Variants in XPO1 observed in about 807,000 individuals in gnomAD.
XPO1 encodes exportin-1.
In XPO1, 5 loss-of-function variants were observed where a neutral mutation model predicts 133.3. The observed-to-expected ratio is 0.04, with a 90% confidence interval of 0.02 to 0.08. The LOEUF (loss-of-function observed/expected upper bound fraction) is 0.08. XPO1 is among the 10% of genes least tolerant of loss of function. XPO1 has a pLI of 1.00. For missense variants in XPO1, 506 were observed against 1,267.5 expected (o/e 0.40, Z 9.12); for synonymous variants, 419 against 408.2 (o/e 1.03, Z -0.32).
chr2:61,534,009 G>C (rs1029434265), intron 1 of XPO1, 106 bp from the exon 2 acceptor site: 5 of 1,123,936 alleles, frequency 4.4e-6, no homozygotes, highest in African/African-American at 3.2e-5. Flanking sequence ...ATATTTTAAT[G>C]AATACTTTAG....
intron 2 of XPO1, among the ~76,000 whole-genome samples, chr2:61,528,744 TATATATATATATATATATATATATA>T (rs1699025332): frequency 7.5e-5 from 1 of 13,404 alleles, no homozygotes; most frequent in Non-Finnish European, 1.3e-4. Flanking sequence ...TATATATATA[TATATATATATATATATATATATATA>T]TATATATATA....
intron 2 of XPO1, among the ~76,000 whole-genome samples, chr2:61,527,901 C>G (rs555823445): frequency 6.6e-6 from 1 of 151,562 alleles, no homozygotes; most frequent in South Asian, 2.1e-4. Context: ...TTCCCTAGTG[C>G]CATTTCCTTC....
chr2:61,527,321 C>CA (rs35556629), intron 2 of XPO1, among the ~76,000 whole-genome samples: 43,602 of 91,470 alleles, frequency 0.48, 9,641 homozygotes, highest in East Asian at 0.62. Context: ...CATGACTCTC[C>CA]AAAAAAAAAA....
chr2:61,531,443 A>G (rs190594144), intron 2 of XPO1, among the ~76,000 whole-genome samples: 3 of 152,338 alleles, frequency 2.0e-5, no homozygotes, highest in Admixed American at 6.5e-5. Flanking sequence ...TCTTAATACT[A>G]TGAAACATTA....
intron 4 of XPO1, among the ~76,000 whole-genome samples, chr2:61,506,990 G>A (rs1028749394): frequency 1.3e-5 from 2 of 151,744 alleles, no homozygotes; most frequent in Non-Finnish European, 2.9e-5. Flanking sequence ...AGCACTTTGG[G>A]AGGCCGAGAC....
chr2:61,495,630 G>C lies in XPO1; in HGVS notation c.889-17C>G, dbSNP rs769889670. 5.2e-6 allele frequency: 8 copies of C among 1,539,002 alleles called. 1 individual carries two copies. The highest frequency in any genetic ancestry group is 5.3e-6 in the Non-Finnish European group (6 of 1,140,620). On this transcript the variant is annotated splice_polypyrimidine_tract_variant and intron_variant, in intron 10 of 24. Coordinates refer to ENST00000401558, the MANE Select transcript of XPO1 (RefSeq NM_003400.4). ...AGGAAGCATCTGCAAATTTTAAAAG[G>C]GACGATCAGTTCGCATTTTATAAAA... is the stretch of plus-strand genomic sequence containing the variant.
At chr2:61,506,092 A>G (rs1697798047) in intron 4 of XPO1, among the ~76,000 whole-genome samples, 1 of 152,004 alleles carries the variant, frequency 6.6e-6, no homozygotes, top group Non-Finnish European at 1.5e-5. Flanking sequence ...AGGCTTGCCA[A>G]ATAAATAAAT....
chr2:61,523,533 A>G (rs1190223530), intron 3 of XPO1, among the ~76,000 whole-genome samples: 1 of 152,214 alleles, frequency 6.6e-6, no homozygotes, highest in Non-Finnish European at 1.5e-5. Context: ...AGGCAGGAGG[A>G]AGAAAAGGGA....
At chr2:61,524,093 A>T (rs1305480233) in intron 3 of XPO1, among the ~76,000 whole-genome samples, 1 of 152,170 alleles carries the variant, frequency 6.6e-6, no homozygotes, top group Non-Finnish European at 1.5e-5. Context: ...TGAAGTTCTT[A>T]ATTAGCTTTT....
chr2:61,502,068 A>C (rs758209412), intron 5 of XPO1, 28 bp from the exon 6 acceptor site: 1 of 1,579,768 alleles, frequency 6.3e-7, no homozygotes, highest in Admixed American at 1.8e-5. Context: ...ATTAAATGAG[A>C]GCCTGAGGTA....
At chr2:61,519,903 G>T (rs1460712111) in intron 4 of XPO1, among the ~76,000 whole-genome samples, 1 of 151,986 alleles carries the variant, frequency 6.6e-6, no homozygotes, top group East Asian at 1.9e-4. Flanking sequence ...TAGCTAAAGG[G>T]CCGGACTTAG....
intron 3 of XPO1, among the ~76,000 whole-genome samples, chr2:61,524,612 A>C (rs1698836920): frequency 6.6e-6 from 1 of 152,250 alleles, no homozygotes; most frequent in Admixed American, 6.5e-5. Flanking sequence ...AAACAAAAAA[A>C]ATTTACATTC....
intron 4 of XPO1, among the ~76,000 whole-genome samples, chr2:61,506,365 G>A (rs1697813831): frequency 6.6e-6 from 1 of 152,208 alleles, no homozygotes; most frequent in Admixed American, 6.5e-5. Flanking sequence ...GGACAATGCA[G>A]TGAGCTGAGA....
At chr2:61,483,832 C>T in intron 21 of XPO1, 105 bp downstream of exon 21, 1 of 1,294,302 alleles carries the variant, frequency 7.7e-7, no homozygotes, top group Non-Finnish European at 1.1e-6. Flanking sequence ...ATATGTAATT[C>T]ACACACTCAA....
chr2:61,494,032 A>G lies in XPO1; in HGVS notation c.1107T>C (p.Cys369=), dbSNP rs1373800440. The change falls in exon 12 of 25, where the codon TGT becomes TGC. Residue 369 remains cysteine (C), a synonymous_variant. Transcript: ENST00000401558. ...CAGCCAAATGATTCCAGTATTCAAG[A>G]CAAATTTTAAAGATTTCAGTTTCTT... ...EVEETEIFKI[C]LEYWNHLAAE... is the part of the protein sequence containing the mutation. 2 of 1,613,990 alleles carry G rather than the reference A, an allele frequency of 1.2e-6. No homozygotes were observed. Among genetic ancestry groups the G allele is most frequent in the East Asian group, 2.2e-5 (1 of 44,882 alleles).
In XPO1 at chr2:61,482,427, C is replaced by T; in HGVS notation, c.2925G>A (p.Gln975=). 1 of 1,612,938 alleles carries T rather than the reference C, an allele frequency of 6.2e-7. No individual in the cohort carries two copies. The highest frequency in any genetic ancestry group is 8.5e-7 in the Non-Finnish European group (1 of 1,179,682). Residue 975 remains glutamine (Q), a synonymous_variant, in exon 23 of 25, where the codon CAG becomes CAA. Transcript: ENST00000401558. ...ACTTAAGGAGATTAGCCACATATTC[C>T]TGAAGAAAGATTTGGTTGTTAACTG... is the stretch of plus-strand genomic sequence containing the variant. ...GNPVNNQIFL[Q]EYVANLLKSA...
At chr2:61,479,181 A>G in intron 24 of XPO1, among the ~76,000 whole-genome samples, 1 of 152,166 alleles carries the variant, frequency 6.6e-6, no homozygotes, top group Non-Finnish European at 1.5e-5. Flanking sequence ...CAAAAGAATC[A>G]TGGGCCCCGG....
chr2:61,532,255 G>C (rs1334546441), intron 2 of XPO1, among the ~76,000 whole-genome samples: 1 of 152,154 alleles, frequency 6.6e-6, no homozygotes, highest in Non-Finnish European at 1.5e-5. Context: ...AGCCTCCCGA[G>C]TAGCTGGGAC....
At chr2:61,522,581 C>T (rs3732170) in intron 4 of XPO1, 30 bp downstream of exon 4, 982,873 of 1,589,540 alleles carry the variant, frequency 0.62, 305,274 homozygotes, top group Middle Eastern at 0.72. Context: ...AAAAACAAAA[C>T]TCTGAATTTA....
Sources: allele counts gnomAD v4.1 joint callset (sites outside exome capture counted in the v4.1 genomes callset), GRCh38; gene constraint gnomAD v4.1.1; transcripts MANE v1.5; gene names NCBI Gene and HGNC (gene_info 2026-07-23, HGNC 2026-07-21).